Variants in DYNC1H1 observed in about 807,000 individuals in gnomAD.
The protein encoded by DYNC1H1 is cytoplasmic dynein 1 heavy chain 1.
A neutral mutation model predicts 527.1 loss-of-function variants in DYNC1H1; 51 were observed. The ratio of observed to expected loss-of-function variants is 0.10; its 90% CI spans 0.08 to 0.12. The LOEUF is 0.12. DYNC1H1 is among the 10% of genes least tolerant of loss of function. DYNC1H1 has a pLI of 1.00. For synonymous variants in DYNC1H1, 2,189 were observed against 2,278.8 expected (o/e 0.96, Z 1.12); for missense variants, 2,771 against 5,971.8 (o/e 0.46, Z 17.66).
rs1434642058 is a variant in DYNC1H1, at chr14:102,011,289, A to G, written c.6618+337A>G. ...TGAACAACCTGAATCGCTGATCAATACGTAGTTTACATTCTGTATTGGCTT... is the reference window on the plus strand; with the variant it reads ...TGAACAACCTGAATCGCTGATCAATGCGTAGTTTACATTCTGTATTGGCTT... On this transcript the variant is annotated intron_variant, in intron 32 of 77. Transcript: ENST00000360184. This position sits in a 1 kb window ranked among gnomAD's most constrained non-coding sequence, Gnocchi z 5.3. 1 of 392,104 alleles carries G rather than the reference A, an allele frequency of 2.6e-6. No individual in the cohort carries two copies. 24.3% of individuals were successfully genotyped at this position (392,104 alleles called of 1,614,324 possible).
chr14:102,030,392 G>C, intron 51 of DYNC1H1, 110 bp downstream of exon 51: 1 of 1,548,108 alleles, frequency 6.5e-7, no homozygotes, highest in Non-Finnish European at 8.8e-7. Context: ...CAAAGGTTCT[G>C]GTTTCCAAAA....
chr14:101,994,275 C>T lies in DYNC1H1; in HGVS notation c.3107C>T (p.Ser1036Leu), dbSNP rs369033191. Residue 1036 changes from serine to leucine, a missense_variant, in exon 12 of 78, where the codon TCG (serine) becomes TTG (leucine). Physicochemically the swap from Ser to Leu is moderately radical, Grantham distance 145. Around this residue, in one of 32 missense-constraint regions of DYNC1H1, gnomAD observed 179 missense variants for 349.4 expected, o/e 0.51. Transcript: ENST00000360184. ...GATGGCCCTGTTGCCCTGGAAGAGT[C>T]GTATTCTGCTGTCATGGGCATTGTA... Reference protein sequence around the residue: ...MPDGPVALEESYSAVMGIVSE... With the variant: ...MPDGPVALEELYSAVMGIVSE... 6 of 1,614,024 alleles carry T rather than the reference C, an allele frequency of 3.7e-6. No homozygotes were observed. Among genetic ancestry groups the T allele is most frequent in the Admixed American group, 3.3e-5 (2 of 59,996 alleles).
intron 43 of DYNC1H1, among the ~76,000 whole-genome samples, chr14:102,025,856 G>A (rs373781868): frequency 9.9e-5 from 15 of 151,806 alleles, no homozygotes; most frequent in African/African-American, 2.7e-4. Context: ...GGTGGCTCAC[G>A]CCTGTAATCC....
At chr14:102,050,032 G>C (rs374484501) in intron 76 of DYNC1H1, 39 bp from the exon 77 acceptor site, 30 of 1,614,100 alleles carry the variant, frequency 1.9e-5, no homozygotes, top group Non-Finnish European at 2.5e-5. Context: ...TGTAGCTGTT[G>C]TGTTCACCTC....
chr14:102,031,862 G>A (rs889377650), intron 51 of DYNC1H1, among the ~76,000 whole-genome samples: 8 of 152,138 alleles, frequency 5.3e-5, no homozygotes, highest in Admixed American at 5.2e-4. Context: ...GCTGAGGCAG[G>A]AGAATCACTA....
chr14:101,997,744 G>C lies in DYNC1H1; in HGVS notation c.3804+470G>C, dbSNP rs1167968662. ...AACTGCCACATCCACTTTTCTTCAT[G>C]CATTGAAGTATTTATTGAGCACCGA... On this transcript the variant is annotated intron_variant, in intron 16 of 77. Coordinates refer to ENST00000360184, the MANE Select transcript of DYNC1H1 (RefSeq NM_001376.5). The surrounding 1 kb of genome is among the most constrained non-coding windows in gnomAD (Gnocchi z 4.8). 1.3e-5 allele frequency among the ~76,000 whole-genome samples: 2 copies of C among 152,174 alleles called. No individual in the cohort carries two copies. The highest frequency in any genetic ancestry group is 2.9e-5 in the Non-Finnish European group (2 of 68,032).
chr14:102,041,452 A>G lies in DYNC1H1; in HGVS notation c.11942-122A>G. 1 of 1,514,754 alleles carries G rather than the reference A, an allele frequency of 6.6e-7. No homozygotes were observed. Among genetic ancestry groups the G allele is most frequent in the Admixed American group, 1.7e-5 (1 of 59,844 alleles). The allele number at this position is 1,514,754 out of a possible 1,614,324, so 93.8% of individuals were successfully genotyped here. On this transcript the variant is annotated intron_variant, in intron 64 of 77. Coordinates refer to ENST00000360184, the MANE Select transcript of DYNC1H1 (RefSeq NM_001376.5). The surrounding 1 kb of genome is among the most constrained non-coding windows in gnomAD (Gnocchi z 4.5). ...AGATGTGGCTGAATTTCCTGATTTG[A>G]GCTGATCCTGAAATGCTGAGCATTT...
rs1431309653 is a variant in DYNC1H1, at chr14:102,015,288, G to A, written c.7198G>A (p.Gly2400Ser). 3.1e-6 allele frequency: 5 copies of A among 1,614,166 alleles called. No homozygotes were observed. The highest frequency in any genetic ancestry group is 3.3e-5 in the Admixed American group (2 of 60,016). Reference protein sequence around the residue: ...GEDEAQRRRKGKEDEGEEAAS... With the variant: ...GEDEAQRRRKSKEDEGEEAAS... ...GGATGAGGCACAGCGGCGGCGTAAG[G>A]GCAAAGAGGATGAGGGGGAGGAGGC... The change falls in exon 35 of 78, where the codon GGC (glycine) becomes AGC (serine). Residue 2400 changes from glycine to serine, a missense_variant. Coordinates refer to ENST00000360184, the MANE Select transcript of DYNC1H1 (RefSeq NM_001376.5). The surrounding 1 kb of genome is among the most constrained non-coding windows in gnomAD (Gnocchi z 6.9).
At chr14:102,003,796 G>T (rs1318067418) in intron 23 of DYNC1H1, among the ~76,000 whole-genome samples, 2 of 152,060 alleles carry the variant, frequency 1.3e-5, no homozygotes, top group Non-Finnish European at 2.9e-5. Context: ...CATGATGGCA[G>T]CTGCCTATAA....
At position 102,017,324 on chromosome 14, in the gene DYNC1H1, C is replaced by T; in HGVS notation, c.8055+30C>T. On this transcript the variant is annotated intron_variant, in intron 39 of 77. Coordinates refer to ENST00000360184, the MANE Select transcript of DYNC1H1 (RefSeq NM_001376.5). The surrounding 1 kb of genome is among the most constrained non-coding windows in gnomAD (Gnocchi z 4.6). ...GTTTCTATCCACAAGGCCCTTCCTG[C>T]CCCACAATGTTTCTTGTTCAAGTTT... 1 of 1,614,222 alleles carries T rather than the reference C, an allele frequency of 6.2e-7. No homozygotes were observed. The highest frequency in any genetic ancestry group is 8.5e-7 in the Non-Finnish European group (1 of 1,180,042).
intron 5 of DYNC1H1, among the ~76,000 whole-genome samples, chr14:101,982,334 C>T (rs964211523): frequency 1.3e-5 from 2 of 152,120 alleles, no homozygotes; most frequent in African/African-American, 4.8e-5. Context: ...TGGCTCACAC[C>T]TGTAATCCTA....
In DYNC1H1 at chr14:101,984,981, T is replaced by C. The variant is rs1371114596; in HGVS notation, c.1462-706T>C. On this transcript the variant is annotated intron_variant, in intron 7 of 77. Transcript: ENST00000360184. The stretch of plus-strand genomic sequence containing the variant: ...AAGGAAAAGAAATAGGGTTTCACCA[T>C]GTTGGCCAGGCTGGTCTCGAGCTCC... 5.4e-5 allele frequency among the ~76,000 whole-genome samples: 8 copies of C among 146,882 alleles called. No homozygotes were observed. The East Asian group carries it at 8.1e-4, about 15-fold the overall frequency.
rs116634565 is a variant in DYNC1H1 at position 102,042,193 on chromosome 14, G to A, written c.12215-35G>A. The A allele has an allele frequency of 1.4e-4, 221 of 1,614,014 alleles. 1 individual carries two copies. In the African/African-American group the frequency reaches 2.5e-3, roughly 19 times the overall value. ...TTTGTGGTGGGCATTGATGTCCGAG[G>A]CTGCCGCTGCTAACACTAAGTTTCC... On this transcript the variant is annotated intron_variant, in intron 66 of 77. Coordinates refer to ENST00000360184, the MANE Select transcript of DYNC1H1 (RefSeq NM_001376.5). This position sits in a 1 kb window ranked among gnomAD's most constrained non-coding sequence, Gnocchi z 5.7.
chr14:101,994,054 G>T (rs1477233892), intron 11 of DYNC1H1, 130 bp from the exon 12 acceptor site: 3 of 1,311,694 alleles, frequency 2.3e-6, no homozygotes, highest in South Asian at 2.4e-5. Flanking sequence ...AGGGTAAGTG[G>T]ATGTTATCCC....
At chr14:101,994,551 G>A in intron 12 of DYNC1H1, 122 bp from the exon 13 acceptor site, 2 of 1,407,572 alleles carry the variant, frequency 1.4e-6, no homozygotes, top group East Asian at 2.4e-5. Flanking sequence ...AGTCTGAAGT[G>A]AGAATTTCTC....
At position 102,001,806 on chromosome 14, in the gene DYNC1H1, C is replaced by T. The variant is rs2048133834; in HGVS notation, c.4542+125C>T. On this transcript the variant is annotated intron_variant, in intron 21 of 77. Transcript: ENST00000360184. The surrounding 1 kb of genome is among the most constrained non-coding windows in gnomAD (Gnocchi z 5.0). The stretch of plus-strand genomic sequence containing the variant: ...GTATTTTTTGAGACAGGGTCTCACT[C>T]TGTCTCCCACGCTGGAGTGCAGTGG... 4 of 1,342,512 alleles carry T rather than the reference C, an allele frequency of 3.0e-6. No homozygotes were observed. The highest frequency in any genetic ancestry group is 2.5e-5 in the East Asian group (1 of 40,470). 83.2% of individuals were successfully genotyped at this position (1,342,512 alleles called of 1,614,324 possible).
At chr14:101,989,070 A>G (rs1490879447) in intron 10 of DYNC1H1, among the ~76,000 whole-genome samples, 1 of 152,198 alleles carries the variant, frequency 6.6e-6, no homozygotes, top group East Asian at 1.9e-4. Flanking sequence ...TCTTTCTCCA[A>G]AATCCCTCAC....
intron 2 of DYNC1H1, among the ~76,000 whole-genome samples, chr14:101,978,505 G>T (rs1370135003): frequency 2.0e-5 from 3 of 152,112 alleles, no homozygotes; most frequent in African/African-American, 7.2e-5. Context: ...ACTGGCAAGG[G>T]AATTAGAAAA....
chr14:101,970,700 C>T (rs945407287), intron 1 of DYNC1H1, among the ~76,000 whole-genome samples: 32 of 151,960 alleles, frequency 2.1e-4, no homozygotes, highest in Non-Finnish European at 1.5e-5. Flanking sequence ...CCAGGCTGGT[C>T]TCAAACTCCT....
Sources: allele counts gnomAD v4.1 joint callset (sites outside exome capture counted in the v4.1 genomes callset), GRCh38; gene constraint gnomAD v4.1.1; regional missense constraint gnomAD v4.1.1; non-coding constraint Gnocchi (gnomAD v3.1); transcripts MANE v1.5; gene names NCBI Gene and HGNC (gene_info 2026-07-23, HGNC 2026-07-21).